The following MAP3K15 variants were observed in gnomAD, a reference collection of about 807,000 sequenced individuals.
MAP3K15 encodes MAPK/ERK kinase kinase 15.
Under a neutral mutation model 99.5 loss-of-function variants are expected in MAP3K15, and 124 were observed. That is an observed-to-expected ratio of 1.25 (90% CI 1.08 to 1.45). The LOEUF (loss-of-function observed/expected upper bound fraction) is 1.45, where lower values mean the gene tolerates loss of function less well. Ranked by LOEUF, MAP3K15 falls within the 40% of genes most tolerant of loss-of-function variation. The pLI, the probability that MAP3K15 is intolerant of heterozygous loss-of-function variation, is 0.00. For missense variants in MAP3K15, 1,242 were observed against 1,079.7 expected, an observed-to-expected ratio of 1.15 and a Z score of -2.11; for synonymous variants, 494 against 439.6, an observed-to-expected ratio of 1.12 and a Z score of -1.55.
chrX:19,452,068 G>T (rs1364564327), intron 6 of MAP3K15, among the ~76,000 whole-genome samples: 1 of 7 alleles, frequency 0.14, no homozygotes, highest in Admixed American at 0.5. Context: ...GAGAAGAGAA[G>T]AGAAGAGAAG....
intron 4 of MAP3K15, 95 bp downstream of exon 4, chrX:19,464,118 G>T: frequency 1.3e-6 from 1 of 763,153 alleles, no homozygotes. Context: ...GGGTTCTCCA[G>T]CAACTCTGTT....
At chrX:19,367,627 C>T (rs1460500672) in intron 25 of MAP3K15, among the ~76,000 whole-genome samples, 2 of 106,707 alleles carry the variant, frequency 1.9e-5, no homozygotes, top group African/African-American at 6.8e-5. Flanking sequence ...GGCCCCTTGT[C>T]TCCCGGTTAA....
intron 3 of MAP3K15, among the ~76,000 whole-genome samples, chrX:19,473,626 G>T (rs1207375512): frequency 9.0e-6 from 1 of 111,699 alleles, no homozygotes; most frequent in Non-Finnish European, 1.9e-5. Context: ...TTCCAAAACG[G>T]TGATTCTGAT....
At chrX:19,416,349 A>AC (rs2063735166) in intron 9 of MAP3K15, among the ~76,000 whole-genome samples, 1 of 111,011 alleles carries the variant, frequency 9.0e-6, no homozygotes. Context: ...ACAACCAAAA[A>AC]AAAAAAACTT....
rs183752513 is a variant in MAP3K15, at chrX:19,508,247, C to T, written c.361+6654G>A. Among the ~76,000 whole-genome samples the T allele has an allele frequency of 6.1e-3, 686 of 111,800 alleles. 4 individuals carry two copies. Among genetic ancestry groups the T allele is most frequent in the African/African-American group, 0.02 (618 of 30,788 alleles). On this transcript the variant is annotated intron_variant, in intron 1 of 28. Transcript: ENST00000338883. ...AGTGCAGTGGTGCAATCTTGGCTCA[C>T]TGCAACCTCTGCCTCCTGGGCTCAA...
chrX:19,409,101 C>G (rs1472575675), intron 12 of MAP3K15, among the ~76,000 whole-genome samples: 2 of 111,376 alleles, frequency 1.8e-5, no homozygotes, highest in Non-Finnish European at 3.8e-5. Context: ...AATTATTTCC[C>G]TCCTTTTAAG....
At chrX:19,465,256 A>G (rs866468346) in intron 3 of MAP3K15, among the ~76,000 whole-genome samples, 1 of 111,470 alleles carries the variant, frequency 9.0e-6, no homozygotes, top group Admixed American at 9.6e-5. Flanking sequence ...CCAACCATTA[A>G]TAAGTGTAAG....
intron 25 of MAP3K15, among the ~76,000 whole-genome samples, chrX:19,363,493 C>T (rs1421908151): frequency 2.7e-5 from 3 of 111,829 alleles, no homozygotes; most frequent in African/African-American, 6.5e-5. Flanking sequence ...CAAAAGATGC[C>T]GATGTTAATC....
chrX:19,496,630 G>A (rs1414255669), intron 1 of MAP3K15: 2 of 111,452 alleles, frequency 1.8e-5, no homozygotes, highest in African/African-American at 6.5e-5. Context: ...CAAGGGCACC[G>A]CTGAGCTTTC....
At chrX:19,379,441 CTTTTTTT>C (rs770431394) in intron 19 of MAP3K15, among the ~76,000 whole-genome samples, 8 of 62,348 alleles carry the variant, frequency 1.3e-4, no homozygotes, top group Non-Finnish European at 1.6e-4. Context: ...AGTGTTTTTC[CTTTTTTT>C]TTTTTTTTTT....
chrX:19,426,363 A>G lies in MAP3K15; in HGVS notation c.1167-20T>C, dbSNP rs779312341. 110 of 909,231 alleles carry G rather than the reference A, an allele frequency of 1.2e-4. No homozygotes were observed. Among genetic ancestry groups the G allele is most frequent in the Non-Finnish European group, 1.5e-4 (104 of 677,138 alleles). The allele number at this position is 909,231 out of a possible 1,213,427, so 74.9% of individuals were successfully genotyped here. A position where few individuals can be genotyped will look rare whatever the true frequency, so the allele number is the denominator to read the frequency against. Reference sequence around the variant, plus strand: ...CGATACCTATAATTACAGAACCACCAAAGTATTATTATATTACAACAAAAA... The same window carrying G: ...CGATACCTATAATTACAGAACCACCGAAGTATTATTATATTACAACAAAAA... On this transcript the variant is annotated intron_variant, in intron 7 of 28. Coordinates refer to ENST00000338883, the MANE Select transcript of MAP3K15 (RefSeq NM_001001671.4).
chrX:19,427,782 A>G (rs745841011), intron 7 of MAP3K15, among the ~76,000 whole-genome samples: 2 of 111,526 alleles, frequency 1.8e-5, no homozygotes, highest in Admixed American at 1.9e-4. Context: ...CAACAACAAA[A>G]TATTAATTCT....
chrX:19,442,817 G>C (rs1229150215), intron 6 of MAP3K15, among the ~76,000 whole-genome samples: 1 of 105,388 alleles, frequency 9.5e-6, no homozygotes, highest in Non-Finnish European at 1.9e-5. Context: ...CCACTTCCCG[G>C]GTTCAGTTGA....
At chrX:19,413,335 G>T in intron 11 of MAP3K15, 22 bp downstream of exon 11, 1 of 1,121,797 alleles carries the variant, frequency 8.9e-7, no homozygotes, top group Non-Finnish European at 1.2e-6. Flanking sequence ...TGATTAAATT[G>T]CTTGTGATTT....
chrX:19,464,790 A>C (rs765939810), intron 3 of MAP3K15, among the ~76,000 whole-genome samples: 1 of 112,145 alleles, frequency 8.9e-6, no homozygotes, highest in South Asian at 3.7e-4. Flanking sequence ...AGCATAGATG[A>C]AAAAGGCATA....
intron 13 of MAP3K15, among the ~76,000 whole-genome samples, chrX:19,406,862 C>T (rs746040968): frequency 2.2e-3 from 244 of 111,701 alleles, no homozygotes; most frequent in African/African-American, 7.1e-3. Flanking sequence ...CCACCACACC[C>T]GGCTAATTTT....
intron 1 of MAP3K15, among the ~76,000 whole-genome samples, chrX:19,509,120 A>C (rs2064500189): frequency 9.2e-6 from 1 of 108,915 alleles, no homozygotes; most frequent in South Asian, 3.8e-4. Context: ...GGACCCCATG[A>C]AACACTACAA....
intron 14 of MAP3K15, 46 bp from the exon 15 acceptor site, chrX:19,398,405 C>T (rs371303136): frequency 1.0e-5 from 12 of 1,188,587 alleles, no homozygotes; most frequent in Admixed American, 2.2e-5. Flanking sequence ...CAACTTGTAG[C>T]GGAGAAGCCC....
At chrX:19,451,664 AAG>A (rs2064039737) in intron 6 of MAP3K15, among the ~76,000 whole-genome samples, 1 of 110,192 alleles carries the variant, frequency 9.1e-6, no homozygotes, top group Non-Finnish European at 1.9e-5. Context: ...TAAAAAAAAA[AAG>A]GAAAACAGAA....
Sources: allele counts gnomAD v4.1 joint callset (sites outside exome capture counted in the v4.1 genomes callset), GRCh38; gene constraint gnomAD v4.1.1; transcripts MANE v1.5; gene names NCBI Gene and HGNC (gene_info 2026-07-23, HGNC 2026-07-21).